DGKH: variants seen among roughly 807,000 people sequenced by gnomAD.
The protein encoded by DGKH is DAG kinase eta.
DGKH carries 90 observed loss-of-function variants against 159.3 expected under a neutral mutation model. The ratio of observed to expected loss-of-function variants is 0.57; its 90% CI spans 0.48 to 0.67. DGKH has a LOEUF of 0.67. Among genes scored for constraint, DGKH ranks in the 30% least tolerant of loss-of-function variants. The probability of loss-of-function intolerance (pLI) is 0.00; values close to 1 mark genes in which losing one functional copy is unlikely to be tolerated. For missense variants in DGKH, 1,181 were observed against 1,506.1 expected, an observed-to-expected ratio of 0.78 and a Z score of 3.57; for synonymous variants, 536 against 553.8, an observed-to-expected ratio of 0.97 and a Z score of 0.45.
At chr13:42,070,387 G>A in intron 1 of DGKH, 2 of 1,416,370 alleles carry the variant, frequency 1.4e-6, no homozygotes, top group East Asian at 4.5e-5. Context: ...AAGTTCATGT[G>A]CACCTGCAAA....
In DGKH at chr13:42,048,756, C is replaced by T; in HGVS notation, c.-18C>T. 1 of 1,270,804 alleles carries T rather than the reference C, an allele frequency of 7.9e-7. No homozygotes were observed. Among genetic ancestry groups the T allele is most frequent in the Non-Finnish European group, 1.0e-6 (1 of 1,002,344 alleles). The allele number at this position is 1,270,804 out of a possible 1,614,324, so 78.7% of individuals were successfully genotyped here. On this transcript the variant is annotated 5_prime_UTR_variant, in exon 1 of 30. Transcript: ENST00000337343. The surrounding 1 kb of genome is among the most constrained non-coding windows in gnomAD (Gnocchi z 6.7). ...GCCCCCGCCGGGCGGTGCTGTGTCC[C>T]CGCAGGAGTCGGAGAGGATGGCAGG...
At chr13:42,254,771 C>T (rs1010424298) in intron 30 of DGKH, among the ~76,000 whole-genome samples, 3 of 151,884 alleles carry the variant, frequency 2.0e-5, no homozygotes, top group Admixed American at 6.6e-5. Context: ...CATATGTGTA[C>T]GTATGTGTGT....
intron 3 of DGKH, chr13:42,140,756 A>C (rs977667796): frequency 1.3e-5 from 2 of 151,822 alleles, no homozygotes; most frequent in Non-Finnish European, 2.9e-5. Flanking sequence ...TTAGTCCTGT[A>C]CTCATTTAGA....
Position 42,229,475 on chromosome 13 carries a change from T to A in DGKH, c.*287T>A, listed in dbSNP as rs1958233866. The A allele has an allele frequency of 3.5e-6, 1 of 283,202 alleles. No homozygotes were observed. The highest frequency in any genetic ancestry group is 2.3e-5 in the African/African-American group (1 of 44,044). The allele number at this position is 283,202 out of a possible 1,614,324, so 17.5% of individuals were successfully genotyped here. On this transcript the variant is annotated 3_prime_UTR_variant, in exon 30 of 30. Transcript: ENST00000337343. ...GGAGGAATCTGAGACGATTGCATTG[T>A]CTAAACAGTGGAATTGCAAAATGTT...
Position 42,206,134 on chromosome 13 carries a change from T to C in DGKH, c.2589T>C (p.Thr863=), listed in dbSNP as rs763348484. Reference sequence around the variant, plus strand: ...GAGGCACTAACTTTTGGGGTGGAACTAAAGAGGATGATGTAAGTAATGGGA... The same window carrying C: ...GAGGCACTAACTTTTGGGGTGGAACCAAAGAGGATGATGTAAGTAATGGGA... ...YAGGTNFWGG[T]KEDDIFAAPS... Residue 863 remains threonine (T), a synonymous_variant, in exon 21 of 30, where the codon ACT becomes ACC. Coordinates refer to ENST00000337343, the MANE Select transcript of DGKH (RefSeq NM_178009.5). 3 of 1,431,034 alleles carry C rather than the reference T, an allele frequency of 2.1e-6. No individual in the cohort carries two copies. The highest frequency in any genetic ancestry group is 2.8e-6 in the Non-Finnish European group (3 of 1,083,964). The allele number at this position is 1,431,034 out of a possible 1,614,324, so 88.6% of individuals were successfully genotyped here. A position where few individuals can be genotyped will look rare whatever the true frequency, so the allele number is the denominator to read the frequency against.
intron 1 of DGKH, among the ~76,000 whole-genome samples, chr13:42,097,015 A>G (rs919079919): frequency 3.9e-5 from 6 of 152,258 alleles, no homozygotes; most frequent in African/African-American, 1.4e-4. Context: ...TCTAGCCTCC[A>G]GAACTGGGAA....
intron 18 of DGKH, 134 bp downstream of exon 18, chr13:42,198,729 A>G: frequency 1.2e-6 from 1 of 812,354 alleles, no homozygotes; most frequent in Non-Finnish European, 1.9e-6. Context: ...AGAAAATTAC[A>G]AAAGTTGATA....
At chr13:42,069,322 A>T in intron 1 of DGKH, 2 of 1,210,986 alleles carry the variant, frequency 1.7e-6, no homozygotes. Context: ...TCCCAAGAAG[A>T]TGGGTACAAA....
intron 1 of DGKH, chr13:42,069,899 A>G: frequency 1.4e-6 from 1 of 728,804 alleles, no homozygotes; most frequent in Non-Finnish European, 2.4e-6. Flanking sequence ...AAATAATTTC[A>G]GGGATCGACT....
intron 26 of DGKH, chr13:42,216,752 A>C (rs1957807192): frequency 1.3e-5 from 2 of 152,220 alleles, no homozygotes; most frequent in Admixed American, 1.3e-4. Context: ...GCCATGAAGA[A>C]AACCTTTTAC....
intron 16 of DGKH, 89 bp downstream of exon 16, chr13:42,190,614 C>A: frequency 8.1e-7 from 1 of 1,237,682 alleles, no homozygotes; most frequent in East Asian, 3.0e-5. Flanking sequence ...TTGAAAAAAA[C>A]TATTTGTATT....
At chr13:42,250,200 A>T (rs1020136820) in intron 29 of DGKH, among the ~76,000 whole-genome samples, 2 of 150,216 alleles carry the variant, frequency 1.3e-5, no homozygotes, top group Non-Finnish European at 3.0e-5. Context: ...CGATCTCCTG[A>T]CCTCCTGATC....
chr13:42,096,484 C>A (rs1954538816), intron 1 of DGKH, among the ~76,000 whole-genome samples: 1 of 152,108 alleles, frequency 6.6e-6, no homozygotes, highest in Non-Finnish European at 1.5e-5. Flanking sequence ...TTTATCTAAT[C>A]CACCATTGAT....
In DGKH at chr13:42,160,074, G is replaced by A. The variant is rs1288925726; in HGVS notation, c.793G>A (p.Asp265Asn). ...LPVSAKCAVC[D>N]KTCGSVLRLQ... Reference sequence around the variant, plus strand: ...TGTAAGTGCCAAGTGTGCTGTCTGCGACAAAACATGTGGCAGTGTTCTCCG... The same window carrying A: ...TGTAAGTGCCAAGTGTGCTGTCTGCAACAAAACATGTGGCAGTGTTCTCCG... Residue 265 changes from aspartate (D) to asparagine (N), a missense_variant, in exon 7 of 30, where the codon GAC (aspartate) becomes AAC (asparagine). Transcript: ENST00000337343. The A allele has an allele frequency of 1.9e-6, 3 of 1,614,228 alleles. No individual in the cohort carries two copies. The highest frequency in any genetic ancestry group is 1.1e-5 in the South Asian group (1 of 91,088).
chr13:42,205,808 A>T (rs867142901), intron 20 of DGKH, among the ~76,000 whole-genome samples: 3 of 152,172 alleles, frequency 2.0e-5, no homozygotes, highest in Middle Eastern at 3.2e-3. Context: ...GAGGTAAAGC[A>T]TTTCTTTAAA....
intron 3 of DGKH, among the ~76,000 whole-genome samples, chr13:42,137,673 C>G (rs912208338): frequency 1.3e-5 from 2 of 152,152 alleles, no homozygotes; most frequent in African/African-American, 4.8e-5. Context: ...GAATAGCAAG[C>G]ACTTGCTGGT....
chr13:42,131,148 A>T (rs950722789), intron 3 of DGKH, among the ~76,000 whole-genome samples: 1 of 152,186 alleles, frequency 6.6e-6, no homozygotes, highest in African/African-American at 2.4e-5. Context: ...ATGCAAAGTG[A>T]AAGGCAGGCA....
At chr13:42,250,117 C>T (rs1319969687) in intron 29 of DGKH, among the ~76,000 whole-genome samples, 2 of 151,846 alleles carry the variant, frequency 1.3e-5, no homozygotes, top group East Asian at 3.9e-4. Flanking sequence ...ACTACAGGCA[C>T]ATGCCACCAC....
chr13:42,102,065 GA>G (rs1159560897), intron 1 of DGKH, among the ~76,000 whole-genome samples: 1 of 152,220 alleles, frequency 6.6e-6, no homozygotes, highest in African/African-American at 2.4e-5. Context: ...TTGATGGTGT[GA>G]TTGAAGTCCA....
Sources: gnomAD v4.1 joint callset for allele counts (sites outside exome capture counted in the v4.1 genomes callset) on GRCh38, gnomAD v4.1.1 for gene constraint, Gnocchi (gnomAD v3.1) non-coding constraint, MANE v1.5 for transcripts, NCBI Gene and HGNC (gene_info 2026-07-23, HGNC 2026-07-21) for gene names.